IQSEC1: variants seen among roughly 807,000 people sequenced by gnomAD.
IQSEC1 encodes the protein IQ motif and SEC7 domain-containing protein 1.
Under a neutral mutation model 91.0 loss-of-function variants are expected in IQSEC1, and 31 were observed. The ratio of observed to expected loss-of-function variants is 0.34; its 90% CI spans 0.26 to 0.46. IQSEC1 has a LOEUF of 0.46. IQSEC1 is among the 20% of genes least tolerant of loss of function. The probability of loss-of-function intolerance (pLI) is 1.00; values close to 1 mark genes in which losing one functional copy is unlikely to be tolerated. For synonymous variants in IQSEC1, 699 were observed against 662.6 expected (o/e 1.05, Z -0.84); for missense variants, 1,388 against 1,575.6 (o/e 0.88, Z 2.02).
chr3:12,953,536 G>A (rs1173161420), intron 1 of IQSEC1, among the ~76,000 whole-genome samples: 2 of 152,194 alleles, frequency 1.3e-5, no homozygotes, highest in Admixed American at 6.5e-5. Flanking sequence ...TTTTCAAAGC[G>A]GGAGGCTATT....
At chr3:13,219,711 C>G (rs1012925841) in intron 1 of IQSEC1, among the ~76,000 whole-genome samples, 5 of 152,220 alleles carry the variant, frequency 3.3e-5, no homozygotes, top group African/African-American at 1.2e-4. Flanking sequence ...GCCCAAGGCC[C>G]GGCCACCTCA....
intron 1 of IQSEC1, among the ~76,000 whole-genome samples, chr3:13,236,945 C>T (rs1435161518): frequency 5.3e-5 from 8 of 152,208 alleles, no homozygotes; most frequent in Non-Finnish European, 7.3e-5. Context: ...TGTCTGAGGC[C>T]GAGGGCCCGG....
chr3:13,023,200 G>A (rs535587472), intron 1 of IQSEC1, among the ~76,000 whole-genome samples: 5 of 152,284 alleles, frequency 3.3e-5, no homozygotes, highest in African/African-American at 1.2e-4. Flanking sequence ...GGGATGGAGT[G>A]GGGTGGGATG....
chr3:13,141,142 T>G lies in IQSEC1; in HGVS notation c.302+22962A>C, dbSNP rs140946796. On this transcript the variant is annotated intron_variant, in intron 2 of 15. Transcript: ENST00000648114. Reference sequence around the variant, plus strand: ...TTCCATGCCTTACCAATCACTCTGGTCCTAGTGAGGAGAACAACAGATTGA... The same window carrying G: ...TTCCATGCCTTACCAATCACTCTGGGCCTAGTGAGGAGAACAACAGATTGA... Among the ~76,000 whole-genome samples the G allele has an allele frequency of 6.7e-3, 1,020 of 152,298 alleles. 7 individuals are homozygous for G. The highest frequency in any genetic ancestry group is 0.017 in the South Asian group (82 of 4,828).
intron 1 of IQSEC1, among the ~76,000 whole-genome samples, chr3:13,226,986 C>T (rs1378082374): frequency 1.3e-5 from 2 of 152,052 alleles, no homozygotes; most frequent in African/African-American, 4.8e-5. Flanking sequence ...CAGAACTCCT[C>T]GTTTGGGATC....
rs545427002 is a variant in IQSEC1 at position 13,242,091 on chromosome 3, G to A, written c.272+40620C>T. 7.9e-5 allele frequency among the ~76,000 whole-genome samples: 12 copies of A among 152,320 alleles called. No homozygotes were observed. In the South Asian group the frequency reaches 2.5e-3, roughly 32 times the overall value. On this transcript the variant is annotated intron_variant, in intron 1 of 15. Transcript: ENST00000648114. ...ACCACCCACACAGGGCAAAGGGACA[G>A]CTCCTAGGTGACAGCAGAGACCGTG...
chr3:12,897,923 T>A lies in IQSEC1; in HGVS notation c.*3060A>T, dbSNP rs1486589671. 6.6e-6 allele frequency: 1 copy of A among 152,378 alleles called. No homozygotes were observed. The highest frequency in any genetic ancestry group is 1.9e-4 in the East Asian group (1 of 5,196). 9.4% of individuals were successfully genotyped at this position (152,378 alleles called of 1,614,324 possible). ...TATTTTTACATTGTTGTACAATTCATTGGTAAACTTAAAAAAATACAAATA... is the reference window on the plus strand; with the variant it reads ...TATTTTTACATTGTTGTACAATTCAATGGTAAACTTAAAAAAATACAAATA... On this transcript the variant is annotated 3_prime_UTR_variant, in exon 14 of 14. Transcript: ENST00000613206.
intron 1 of IQSEC1, among the ~76,000 whole-genome samples, chr3:13,046,850 TG>T (rs2125053926): frequency 6.6e-6 from 1 of 152,320 alleles, no homozygotes; most frequent in East Asian, 1.9e-4. Flanking sequence ...CCACCTCCAC[TG>T]CCAGGACAGT....
At chr3:13,257,100 T>G (rs1308933959) in intron 1 of IQSEC1, among the ~76,000 whole-genome samples, 1 of 152,090 alleles carries the variant, frequency 6.6e-6, no homozygotes, top group Non-Finnish European at 1.5e-5. Context: ...TATAAACTGC[T>G]CACCACCCTG....
intron 1 of IQSEC1, among the ~76,000 whole-genome samples, chr3:13,024,595 CCCAT>C (rs374522515): frequency 2.6e-5 from 4 of 151,120 alleles, no homozygotes; most frequent in African/African-American, 7.3e-5. Context: ...CATCCACCCA[CCCAT>C]CCATCCATCC....
intron 1 of IQSEC1, among the ~76,000 whole-genome samples, chr3:13,056,973 G>A (rs879337287): frequency 2.6e-5 from 4 of 152,082 alleles, no homozygotes; most frequent in African/African-American, 9.7e-5. Flanking sequence ...TGTTCCCCTT[G>A]TCTCTTATTC....
At position 12,940,374 on chromosome 3, in the gene IQSEC1, G is replaced by A. The variant is rs1261574175; in HGVS notation, c.318+1197C>T. Among the ~76,000 whole-genome samples, 2 of 152,066 alleles carry A rather than the reference G, an allele frequency of 1.3e-5. No individual in the cohort carries two copies. The highest frequency in any genetic ancestry group is 6.5e-5 in the Admixed American group (1 of 15,272). ...TAAAGGACAAAAAGGGGAGCAACTT[G>A]AATCTATACTCCCAGCAAACACAAA... On this transcript the variant is annotated intron_variant, in intron 2 of 13. Transcript: ENST00000613206. This position sits in a 1 kb window ranked among gnomAD's most constrained non-coding sequence, Gnocchi z 4.4.
intron 9 of IQSEC1, among the ~76,000 whole-genome samples, 173 bp from the exon 10 acceptor site, chr3:12,911,901 C>T (rs917525456): frequency 3.3e-5 from 5 of 152,144 alleles, no homozygotes; most frequent in South Asian, 2.1e-4. Flanking sequence ...TTCCTGTCCC[C>T]GCAACCCCGA....
chr3:13,102,187 A>G (rs541450912), intron 2 of IQSEC1, among the ~76,000 whole-genome samples: 1 of 152,210 alleles, frequency 6.6e-6, no homozygotes, highest in South Asian at 2.1e-4. Flanking sequence ...CTGAGGTGGA[A>G]GGATTGCTTG....
rs112645287 is a variant in IQSEC1 at position 13,199,602 on chromosome 3, C to T, written c.273-35469G>A. ...TTCCCACCGACCAAGGCCAGCCCCG[C>T]GACCCTCCTTCAGTGTACTTTTCAG... On this transcript the variant is annotated intron_variant, in intron 1 of 15. Transcript: ENST00000648114. 9.4e-3 allele frequency among the ~76,000 whole-genome samples: 1,436 copies of T among 152,250 alleles called. 26 individuals carry two copies. The highest frequency in any genetic ancestry group is 0.033 in the African/African-American group (1,380 of 41,530).
At chr3:13,102,934 T>C (rs1706088880) in intron 2 of IQSEC1, among the ~76,000 whole-genome samples, 1 of 152,112 alleles carries the variant, frequency 6.6e-6, no homozygotes, top group African/African-American at 2.4e-5. Context: ...ATGAGAAAAC[T>C]GAGAGCTGAA....
chr3:13,226,032 C>A lies in IQSEC1; in HGVS notation c.272+56679G>T, dbSNP rs370698839. 6.6e-5 allele frequency among the ~76,000 whole-genome samples: 10 copies of A among 152,284 alleles called. 1 individual carries two copies. The highest frequency in any genetic ancestry group is 4.6e-4 in the Admixed American group (7 of 15,304). On this transcript the variant is annotated intron_variant, in intron 1 of 15. Transcript: ENST00000648114. ...AGTAGCTCGGATTACAGGCACCCAC[C>A]ACCACGCCTGGCTAATTTTTGTTTT... is the stretch of plus-strand genomic sequence containing the variant.
chr3:13,001,829 C>T (rs554447880), intron 1 of IQSEC1, among the ~76,000 whole-genome samples: 21 of 152,244 alleles, frequency 1.4e-4, no homozygotes, highest in African/African-American at 4.8e-4. Context: ...GAGGCTGAGG[C>T]GGGCGGATCA....
intron 1 of IQSEC1, among the ~76,000 whole-genome samples, chr3:13,233,614 C>T (rs1694871720): frequency 6.6e-6 from 1 of 152,192 alleles, no homozygotes; most frequent in Non-Finnish European, 1.5e-5. Context: ...CGACATAACC[C>T]CACTCTCTTC....
Sources: gnomAD v4.1 joint callset for allele counts (sites outside exome capture counted in the v4.1 genomes callset) on GRCh38, gnomAD v4.1.1 for gene constraint, Gnocchi (gnomAD v3.1) non-coding constraint, MANE v1.5 for transcripts, NCBI Gene and HGNC (gene_info 2026-07-23, HGNC 2026-07-21) for gene names.